ERCC6: variants seen among roughly 807,000 people sequenced by gnomAD.
ERCC6 encodes the protein ERCC excision repair 6, chromatin remodeling factor.
ERCC6 carries 116 observed loss-of-function variants against 158.7 expected under a neutral mutation model. The observed-to-expected ratio is 0.73, with a 90% CI of 0.63 to 0.85. ERCC6 has a LOEUF of 0.85. ERCC6 is among the 40% of genes least tolerant of loss of function. The pLI is 0.00. For synonymous variants in ERCC6, 678 were observed against 659.3 expected, an observed-to-expected ratio of 1.03 and a Z score of -0.43; for missense variants, 1,698 against 1,799.4, an observed-to-expected ratio of 0.94 and a Z score of 1.02.
Position 49,473,004 on chromosome 10 carries a change from G to C in ERCC6, c.2734C>G (p.Leu912Val), listed in dbSNP as rs1397084598. The C allele has an allele frequency of 1.2e-6, 2 of 1,614,126 alleles. No homozygotes were observed. Among genetic ancestry groups the C allele is most frequent in the East Asian group, 2.2e-5 (1 of 44,856 alleles). ...NEDTSIFVFL[L>V]TTRVGGLGVN... ...CCTAAGCCGCCCACCCGCGTGGTCA[G>C]AAGAAACACAAATATGGATGTGTCC... The change falls in exon 15 of 21, where the codon CTG becomes GTG. Residue 912 changes from leucine (L) to valine (V), a missense_variant. Coordinates refer to ENST00000355832, the MANE Select transcript of ERCC6 (RefSeq NM_000124.4).
chr10:49,439,649 G>T, the ERCC6 span, among the ~76,000 whole-genome samples: 1 of 152,138 alleles, frequency 6.6e-6, no homozygotes, highest in Non-Finnish European at 1.5e-5. Flanking sequence ...TCAGAAAATG[G>T]GTTTTTCTTT....
chr10:49,474,069 G>A lies in ERCC6; in HGVS notation c.2556C>T (p.His852=). 1 of 1,614,054 alleles carries A rather than the reference G, an allele frequency of 6.2e-7. No individual in the cohort carries two copies. Among genetic ancestry groups the A allele is most frequent in the Non-Finnish European group, 8.5e-7 (1 of 1,180,016 alleles). ...ACAGCAATACTCGCTGACCCTGCTTGTGCCATATTTTCAACAAAGACTCAA... is the reference window on the plus strand; with the variant it reads ...ACAGCAATACTCGCTGACCCTGCTTATGCCATATTTTCAACAAAGACTCAA... The part of the protein sequence containing the change: ...IVVESLLKIW[H]KQGQRVLLFS... The change falls in exon 13 of 21, where the codon CAC becomes CAT. Residue 852 remains histidine, a synonymous_variant. Coordinates refer to ENST00000355832, the MANE Select transcript of ERCC6 (RefSeq NM_000124.4).
At chr10:49,508,555 T>G (rs1384240925) in intron 5 of ERCC6, among the ~76,000 whole-genome samples, 2 of 152,192 alleles carry the variant, frequency 1.3e-5, no homozygotes, top group Non-Finnish European at 2.9e-5. Context: ...GGCTAAAGGA[T>G]GACTAAAAGT....
intron 18 of ERCC6, among the ~76,000 whole-genome samples, chr10:49,468,156 T>G (rs187999276): frequency 6.6e-6 from 1 of 152,310 alleles, no homozygotes; most frequent in Admixed American, 6.5e-5. Context: ...TCACTGACCT[T>G]AAGTAGTTTT....
At chr10:49,515,488 T>TA (rs1564436078) in intron 5 of ERCC6, 2 of 1,614,188 alleles carry the variant, frequency 1.2e-6, no homozygotes, top group East Asian at 2.2e-5. Flanking sequence ...GAGTCAATGT[T>TA]ACGCTTCTGA....
At position 49,458,883 on chromosome 10, in the gene ERCC6, T is replaced by C; in HGVS notation, c.4414A>G (p.Asn1472Asp). The change falls in exon 21 of 21, where the codon AAT (asparagine) becomes GAT (aspartate). Residue 1472 changes from asparagine to aspartate, a missense_variant. Coordinates refer to ENST00000355832, the MANE Select transcript of ERCC6 (RefSeq NM_000124.4). ...GAAGTTCTATGGAAAGTGCACAGAT[T>C]TCTCAATAGTTCTCGGAAGACACAA... Reference protein sequence around the residue: ...QSCVFRELLRNLCTFHRTSGG... With the variant: ...QSCVFRELLRDLCTFHRTSGG... 1.2e-6 allele frequency: 2 copies of C among 1,614,184 alleles called. No homozygotes were observed. Among genetic ancestry groups the C allele is most frequent in the Non-Finnish European group, 1.7e-6 (2 of 1,180,034 alleles).
At chr10:49,473,615 G>A in intron 13 of ERCC6, 28 bp from the exon 14 acceptor site, 1 of 1,306,848 alleles carries the variant, frequency 7.7e-7, no homozygotes, top group Non-Finnish European at 1.1e-6. Context: ...ATAGGAGTTT[G>A]CAAAGCAAAT....
chr10:49,476,118 C>A lies in ERCC6; in HGVS notation c.2382+97G>T, dbSNP rs973843332. 46 of 856,408 alleles carry A rather than the reference C, an allele frequency of 5.4e-5. No individual in the cohort carries two copies. The South Asian group carries it at 5.6e-4, about 10-fold the overall frequency. 53.1% of individuals were successfully genotyped at this position (856,408 alleles called of 1,614,324 possible). A position where few individuals can be genotyped will look rare whatever the true frequency, so the allele number is the denominator to read the frequency against. On this transcript the variant is annotated intron_variant, in intron 12 of 20. Transcript: ENST00000355832. Reference sequence around the variant, plus strand: ...ATGCAAGTGAAGTGAGATGACAGTACGTGAAAAGCCTGGCACAATGTAGAT... The same window carrying A: ...ATGCAAGTGAAGTGAGATGACAGTAAGTGAAAAGCCTGGCACAATGTAGAT...
Position 49,483,339 on chromosome 10 carries a change from G to GTCA in ERCC6, c.1992+4_1992+6dup. 1 of 1,613,904 alleles carries GTCA rather than the reference G, an allele frequency of 6.2e-7. No individual in the cohort carries two copies. Among genetic ancestry groups the GTCA allele is most frequent in the African/African-American group, 1.3e-5 (1 of 75,026 alleles). ...TTGGAAATCTCCCTTGTTAAAAGAGGTCATACCTGTTTGCAAGCAAGGGTG... is the reference window on the plus strand; with the variant it reads ...TTGGAAATCTCCCTTGTTAAAAGAGGTCATCATACCTGTTTGCAAGCAAGGGTG... On this transcript the variant is annotated splice_region_variant and intron_variant, in intron 9 of 20. Transcript: ENST00000355832.
chr10:49,466,048 A>C (rs1850668992), intron 18 of ERCC6, among the ~76,000 whole-genome samples: 2 of 152,228 alleles, frequency 1.3e-5, no homozygotes, highest in African/African-American at 2.4e-5. Context: ...GATAACATAG[A>C]GTCAACAAGG....
chr10:49,503,334 G>C (rs189930147), intron 6 of ERCC6: 1 of 152,018 alleles, frequency 6.6e-6, no homozygotes, highest in African/African-American at 2.4e-5. Context: ...TCTAATCTTC[G>C]ACGGCTTTCA....
At chr10:49,531,192 G>A (rs1213383079) in intron 2 of ERCC6, among the ~76,000 whole-genome samples, 1 of 152,116 alleles carries the variant, frequency 6.6e-6, no homozygotes, top group African/African-American at 2.4e-5. Context: ...ATGCATACAT[G>A]GGTTTTTTAA....
downstream of ERCC6, among the ~76,000 whole-genome samples, chr10:49,450,824 T>C (rs1481727089): frequency 6.6e-6 from 1 of 152,132 alleles, no homozygotes; most frequent in Non-Finnish European, 1.5e-5. Context: ...CGATTTTTTT[T>C]TTTTTGAGAT....
intron 7 of ERCC6, among the ~76,000 whole-genome samples, chr10:49,495,676 C>T (rs1209979623): frequency 6.6e-6 from 1 of 152,126 alleles, no homozygotes; most frequent in Non-Finnish European, 1.5e-5. Flanking sequence ...TTTTGTCCCA[C>T]TGTCCAGGTG....
intron 13 of ERCC6, 134 bp from the exon 14 acceptor site, chr10:49,473,721 A>G (rs1850824192): frequency 6.7e-6 from 5 of 743,506 alleles, no homozygotes; most frequent in East Asian, 2.5e-5. Context: ...AGGACAGATA[A>G]ACAGAACTGT....
At chr10:49,522,017 T>C (rs1214419386) in intron 5 of ERCC6, among the ~76,000 whole-genome samples, 1 of 152,160 alleles carries the variant, frequency 6.6e-6, no homozygotes, top group Non-Finnish European at 1.5e-5. Context: ...AGCATTATAA[T>C]TAACAGGCTA....
chr10:49,528,580 A>G, intron 3 of ERCC6, 55 bp from the exon 4 acceptor site: 1 of 1,590,378 alleles, frequency 6.3e-7, no homozygotes, highest in Non-Finnish European at 8.6e-7. Context: ...TTATTGTTAA[A>G]TACAAAAGAT....
the ERCC6 span, among the ~76,000 whole-genome samples, chr10:49,442,077 G>A: frequency 1.3e-5 from 2 of 152,192 alleles, no homozygotes; most frequent in Non-Finnish European, 2.9e-5. Flanking sequence ...GGAAGGGGTG[G>A]GGGCCTGTCT....
In ERCC6 at chr10:49,455,161, CA is replaced by C. The variant is rs1273025855; in HGVS notation, c.*3653del. Among the ~76,000 whole-genome samples, 1 of 152,058 alleles carries C rather than the reference CA, an allele frequency of 6.6e-6. No homozygotes were observed. The highest frequency in any genetic ancestry group is 1.9e-4 in the East Asian group (1 of 5,188). The stretch of plus-strand genomic sequence containing the variant: ...TTATGTAAGTTAAAAGACTCACAAC[CA>C]AAACTAAAAATCTATAAAACACCTA... On this transcript the variant is annotated 3_prime_UTR_variant, in exon 21 of 21. Transcript: ENST00000355832.
Sources: allele counts gnomAD v4.1 joint callset (sites outside exome capture counted in the v4.1 genomes callset), GRCh38; gene constraint gnomAD v4.1.1; transcripts MANE v1.5; gene names NCBI Gene and HGNC (gene_info 2026-07-23, HGNC 2026-07-21).